The following CDH13 variants were observed in gnomAD, a reference collection of about 807,000 sequenced individuals.
The protein encoded by CDH13 is cadherin 13.
CDH13 carries 24 observed loss-of-function variants against 63.8 expected under a neutral mutation model. The observed-to-expected ratio is 0.38, with a 90% confidence interval of 0.27 to 0.53. The LOEUF (loss-of-function observed/expected upper bound fraction) is 0.53. Among genes scored for constraint, CDH13 ranks in the 20% least tolerant of loss-of-function variants. The pLI, the probability that CDH13 is intolerant of heterozygous loss-of-function variation, is 0.85. For synonymous variants in CDH13, 503 were observed against 355.3 expected (o/e 1.42, Z -4.67); for missense variants, 1,049 against 903.1 (o/e 1.16, Z -2.07).
At chr16:83,406,911 A>G (rs1056890566) in intron 6 of CDH13, among the ~76,000 whole-genome samples, 10 of 152,254 alleles carry the variant, frequency 6.6e-5, no homozygotes, top group Non-Finnish European at 1.0e-4. Flanking sequence ...AGTATCTTAT[A>G]CATTGTCCAT....
At chr16:82,960,691 C>T (rs564018312) in intron 2 of CDH13, among the ~76,000 whole-genome samples, 122 of 152,224 alleles carry the variant, frequency 8.0e-4, no homozygotes, top group African/African-American at 2.9e-3. Context: ...AAACAAAGAG[C>T]ACTTGGCACC....
intron 5 of CDH13, among the ~76,000 whole-genome samples, chr16:83,241,965 T>G (rs4782761): frequency 0.83 from 126,226 of 152,080 alleles, 52,877 homozygotes; most frequent in Non-Finnish European, 0.88. Flanking sequence ...TTGTATAGTT[T>G]TAGGTCTCAC....
rs901866216 is a variant in CDH13, at chr16:82,969,684, C to T, written c.158-62326C>T. Among the ~76,000 whole-genome samples the T allele has an allele frequency of 2.6e-5, 4 of 152,098 alleles. No homozygotes were observed. In the South Asian group the frequency reaches 8.3e-4, roughly 32 times the overall value. ...ACCACTAGCAGCACTGCAGTCATGA[C>T]AATCAAAATGTCTCCGGACATCGTA... On this transcript the variant is annotated intron_variant, in intron 2 of 13. Transcript: ENST00000567109.
intron 5 of CDH13, among the ~76,000 whole-genome samples, chr16:83,264,132 G>T (rs1253068370): frequency 1.3e-5 from 2 of 152,212 alleles, no homozygotes; most frequent in African/African-American, 2.4e-5. Context: ...AAGTGAATCA[G>T]AGTTATAGAT....
At chr16:83,776,222 C>T (rs1014159913) in intron 11 of CDH13, among the ~76,000 whole-genome samples, 1 of 152,200 alleles carries the variant, frequency 6.6e-6, no homozygotes, top group Non-Finnish European at 1.5e-5. Flanking sequence ...TTCAAATGCT[C>T]ATAACGCCTT....
At chr16:83,244,764 G>T (rs140981871) in intron 5 of CDH13, among the ~76,000 whole-genome samples, 10 of 152,244 alleles carry the variant, frequency 6.6e-5, no homozygotes, top group African/African-American at 2.4e-4. Flanking sequence ...GGAGTCACAC[G>T]GGACACACTT....
chr16:82,719,803 G>A (rs1277048151), intron 1 of CDH13, among the ~76,000 whole-genome samples: 2 of 134,094 alleles, frequency 1.5e-5, no homozygotes, highest in African/African-American at 5.7e-5. Context: ...CCAAGATCAC[G>A]CCACTGCACT....
chr16:83,272,064 A>T (rs2088836717), intron 5 of CDH13, among the ~76,000 whole-genome samples: 1 of 152,238 alleles, frequency 6.6e-6, no homozygotes. Context: ...TTAGAAAATT[A>T]ATTTGTTCAA....
chr16:83,430,234 A>G (rs1567667144), intron 6 of CDH13, among the ~76,000 whole-genome samples: 2 of 152,318 alleles, frequency 1.3e-5, no homozygotes, highest in East Asian at 3.9e-4. Flanking sequence ...GTTTCCTGAC[A>G]TGCACTCTCT....
At chr16:83,125,541 A>G in intron 4 of CDH13, 40 bp downstream of exon 4, 2 of 1,072,756 alleles carry the variant, frequency 1.9e-6, no homozygotes, top group East Asian at 2.4e-5. Flanking sequence ...ACATGTTTTT[A>G]TGAAAAGATG....
At chr16:83,499,191 T>C (rs370759412) in intron 7 of CDH13, among the ~76,000 whole-genome samples, 20 of 152,222 alleles carry the variant, frequency 1.3e-4, no homozygotes, top group African/African-American at 4.6e-4. Flanking sequence ...TATTAAATCA[T>C]GTAAAATGAT....
intron 2 of CDH13, among the ~76,000 whole-genome samples, chr16:82,990,715 TA>T (rs1911559559): frequency 6.6e-6 from 1 of 151,950 alleles, no homozygotes; most frequent in Non-Finnish European, 1.5e-5. Context: ...ACCAGCTATT[TA>T]TTTATTTATT....
At chr16:82,949,483 G>T (rs958181365) in intron 2 of CDH13, among the ~76,000 whole-genome samples, 1 of 152,136 alleles carries the variant, frequency 6.6e-6, no homozygotes, top group Non-Finnish European at 1.5e-5. Context: ...GGAGTTGGAC[G>T]TTTCTTTTAG....
intron 10 of CDH13, among the ~76,000 whole-genome samples, chr16:83,728,321 G>GTGTGTA (rs1168475588): frequency 7.1e-6 from 1 of 140,346 alleles, no homozygotes; most frequent in Admixed American, 7.4e-5. Flanking sequence ...CACTGGCTAT[G>GTGTGTA]TGTGTATGTG....
At chr16:83,678,184 G>A (rs753512502) in intron 9 of CDH13, 24 bp from the exon 10 acceptor site, 28 of 1,596,488 alleles carry the variant, frequency 1.8e-5, no homozygotes, top group Non-Finnish European at 2.3e-5. Flanking sequence ...TGTGCATCCT[G>A]AGACCCTTCT....
intron 1 of CDH13, chr16:82,825,657 T>A (rs1447031966): frequency 2.0e-5 from 3 of 151,578 alleles, no homozygotes; most frequent in African/African-American, 7.3e-5. Flanking sequence ...GGAATTCTCC[T>A]GCCTCAGCCT....
intron 5 of CDH13, among the ~76,000 whole-genome samples, chr16:83,308,094 G>A (rs996331356): frequency 6.6e-6 from 1 of 152,088 alleles, no homozygotes; most frequent in Non-Finnish European, 1.5e-5. Context: ...TCTTAAATAT[G>A]TTGTGCGGGA....
At chr16:83,318,046 G>C (rs907541888) in intron 5 of CDH13, among the ~76,000 whole-genome samples, 2 of 152,158 alleles carry the variant, frequency 1.3e-5, no homozygotes, top group African/African-American at 4.8e-5. Context: ...GTCAGCCTCA[G>C]TTTTCCCTCT....
chr16:83,345,849 A>G (rs1185832682), intron 6 of CDH13, among the ~76,000 whole-genome samples: 1 of 152,210 alleles, frequency 6.6e-6, no homozygotes, highest in African/African-American at 2.4e-5. Context: ...ATACTCCTAG[A>G]TTATGCCCAA....
Sources: gnomAD v4.1 joint callset for allele counts (sites outside exome capture counted in the v4.1 genomes callset) on GRCh38, gnomAD v4.1.1 for gene constraint, MANE v1.5 for transcripts, NCBI Gene and HGNC (gene_info 2026-07-23, HGNC 2026-07-21) for gene names.